The following HS3ST3B1 variants were observed in gnomAD, a reference collection of about 807,000 sequenced individuals.
HS3ST3B1 encodes heparan sulfate glucosamine 3-O-sulfotransferase 3B1.
In HS3ST3B1, 13 loss-of-function variants were observed where a neutral mutation model predicts 21.3. The observed-to-expected ratio is 0.61, with a 90% CI of 0.40 to 0.97. The LOEUF is 0.97. Among genes scored for constraint, HS3ST3B1 ranks in the 50% least tolerant of loss-of-function variants. The probability of loss-of-function intolerance (pLI) is 0.00; values close to 1 mark genes in which losing one functional copy is unlikely to be tolerated. For synonymous variants in HS3ST3B1, 234 were observed against 254.8 expected, an observed-to-expected ratio of 0.92 and a Z score of 0.78; for missense variants, 459 against 554.8, an observed-to-expected ratio of 0.83 and a Z score of 1.73.
chr17:14,321,925 CAT>C (rs147408597), intron 1 of HS3ST3B1, among the ~76,000 whole-genome samples: 1 of 150,888 alleles, frequency 6.6e-6, no homozygotes, highest in Non-Finnish European at 1.5e-5. Flanking sequence ...ATTTTTCTCT[CAT>C]ATATATATAT....
At chr17:14,342,700 G>A (rs975702377) in intron 1 of HS3ST3B1, among the ~76,000 whole-genome samples, 11 of 151,964 alleles carry the variant, frequency 7.2e-5, no homozygotes, top group African/African-American at 2.7e-4. Context: ...AGAAAAAGAC[G>A]CCCAGAAAAG....
intron 1 of HS3ST3B1, among the ~76,000 whole-genome samples, chr17:14,313,108 G>GTATATATA (rs1555548199): frequency 1.4e-5 from 1 of 73,694 alleles, no homozygotes; most frequent in African/African-American, 6.4e-5. Flanking sequence ...GTGTGTGTGT[G>GTATATATA]TATATATATA....
chr17:14,340,170 C>A (rs1231683537), intron 1 of HS3ST3B1, among the ~76,000 whole-genome samples: 1 of 152,164 alleles, frequency 6.6e-6, no homozygotes, highest in Non-Finnish European at 1.5e-5. Context: ...GCCTCCTGAA[C>A]CTTCTCCCAG....
chr17:14,334,600 A>G (rs181322821), intron 1 of HS3ST3B1, among the ~76,000 whole-genome samples: 11 of 152,318 alleles, frequency 7.2e-5, no homozygotes, highest in African/African-American at 2.6e-4. Context: ...AAGTGATACA[A>G]TAGATGAGCG....
Position 14,303,202 on chromosome 17 carries a change from C to A in HS3ST3B1, c.554+1130C>A, listed in dbSNP as rs987517387. ...TTTTCGTTGGGGTCTCCACCCGTAA[C>A]CCCAGCCAGCACGACATTCAGACAC... On this transcript the variant is annotated intron_variant, in intron 1 of 1. Coordinates refer to ENST00000360954, the MANE Select transcript of HS3ST3B1 (RefSeq NM_006041.3). This position sits in a 1 kb window ranked among gnomAD's most constrained non-coding sequence, Gnocchi z 5.7. Among the ~76,000 whole-genome samples the A allele has an allele frequency of 6.6e-6, 1 of 152,134 alleles. No individual in the cohort carries two copies. The highest frequency in any genetic ancestry group is 2.4e-5 in the African/African-American group (1 of 41,416).
chr17:14,322,014 G>GT (rs1909674643), intron 1 of HS3ST3B1, among the ~76,000 whole-genome samples: 1 of 148,826 alleles, frequency 6.7e-6, no homozygotes, highest in East Asian at 2.0e-4. Flanking sequence ...ATAAAGTGCT[G>GT]TTTATTTCAT....
chr17:14,308,598 G>A (rs1026687335), intron 1 of HS3ST3B1, among the ~76,000 whole-genome samples: 14 of 152,152 alleles, frequency 9.2e-5, no homozygotes, highest in African/African-American at 3.1e-4. Context: ...AGTACTGTCC[G>A]AGAGGAGTTT....
chr17:14,315,911 C>T (rs375674461), intron 1 of HS3ST3B1, among the ~76,000 whole-genome samples: 2 of 151,856 alleles, frequency 1.3e-5, no homozygotes, highest in African/African-American at 4.8e-5. Flanking sequence ...TAGCTAAAAA[C>T]AAAACAAAAC....
intron 1 of HS3ST3B1, among the ~76,000 whole-genome samples, chr17:14,341,886 G>A (rs1235062260): frequency 1.3e-5 from 2 of 152,178 alleles, no homozygotes; most frequent in Non-Finnish European, 2.9e-5. Context: ...TAAGTTGCGA[G>A]CCGAGACTCT....
intron 1 of HS3ST3B1, among the ~76,000 whole-genome samples, chr17:14,302,855 A>T (rs1270181324): frequency 6.6e-6 from 1 of 152,234 alleles, no homozygotes; most frequent in African/African-American, 2.4e-5. Flanking sequence ...GGATAGGGAA[A>T]GCAAGGACGC....
In HS3ST3B1 at chr17:14,301,796, C is replaced by T; in HGVS notation, c.278C>T (p.Pro93Leu). The change falls in exon 1 of 2, where the codon CCG (proline) becomes CTG (leucine). Residue 93 changes from proline to leucine, a missense_variant. Physicochemically the swap from Pro to Leu is moderately conservative, Grantham distance 98. Coordinates refer to ENST00000360954, the MANE Select transcript of HS3ST3B1 (RefSeq NM_006041.3). ...GTPPRLPFRAPPATPLASGKE... is the reference protein window; with the variant it reads ...GTPPRLPFRALPATPLASGKE... Reference sequence around the variant, plus strand: ...CCCCCCAGGCTGCCGTTCCGGGCGCCGCCAGCCACCCCACTGGCTTCAGGC... The same window carrying T: ...CCCCCCAGGCTGCCGTTCCGGGCGCTGCCAGCCACCCCACTGGCTTCAGGC... The T allele has an allele frequency of 2.6e-6, 4 of 1,556,242 alleles. No individual in the cohort carries two copies. The highest frequency in any genetic ancestry group is 3.5e-6 in the Non-Finnish European group (4 of 1,150,672).
chr17:14,312,901 CTTTTTT>C (rs35154149), intron 1 of HS3ST3B1, among the ~76,000 whole-genome samples: 1 of 129,422 alleles, frequency 7.7e-6, no homozygotes, highest in East Asian at 2.4e-4. Flanking sequence ...GTGAAAATGT[CTTTTTT>C]TTTTTTTTTT....
chr17:14,348,646 C>CACGTGTTTTGGA lies in HS3ST3B1; in HGVS notation c.*3001_*3012dup, dbSNP rs1910642496. 6.6e-6 allele frequency: 1 copy of CACGTGTTTTGGA among 152,152 alleles called. No individual in the cohort carries two copies. The highest frequency in any genetic ancestry group is 1.5e-5 in the Non-Finnish European group (1 of 68,036). The allele number at this position is 152,152 out of a possible 1,614,324, so 9.4% of individuals were successfully genotyped here. On this transcript the variant is annotated 3_prime_UTR_variant, in exon 2 of 2. Transcript: ENST00000360954. The stretch of plus-strand genomic sequence containing the variant: ...TTTCTGTTTCGGCAATTTGTCCTGG[C>CACGTGTTTTGGA]ACGTGTTTTGGACTTCCTCCGATTT...
rs928675514 is a variant in HS3ST3B1 at position 14,301,264 on chromosome 17, A to G, written c.-255A>G. ...GCGCCCCGGGAGCAGACCCTCGCCC[A>G]GCAGTTACCGCCGTCCCGACTTTCC... On this transcript the variant is annotated 5_prime_UTR_variant, in exon 1 of 2. Transcript: ENST00000360954. 1.1e-4 allele frequency: 56 copies of G among 488,884 alleles called. No homozygotes were observed. Among genetic ancestry groups the G allele is most frequent in the Non-Finnish European group, 1.8e-4 (50 of 280,566 alleles). The allele number at this position is 488,884 out of a possible 1,614,324, so 30.3% of individuals were successfully genotyped here.
chr17:14,330,150 G>A (rs559405273), intron 1 of HS3ST3B1, among the ~76,000 whole-genome samples: 1 of 152,202 alleles, frequency 6.6e-6, no homozygotes, highest in Non-Finnish European at 1.5e-5. Context: ...ATTTGACATT[G>A]AGCATCATCT....
At chr17:14,334,595 A>G (rs1225519437) in intron 1 of HS3ST3B1, among the ~76,000 whole-genome samples, 2 of 152,164 alleles carry the variant, frequency 1.3e-5, no homozygotes, top group Non-Finnish European at 2.9e-5. Context: ...TACCAAAGTG[A>G]TACAATAGAT....
Position 14,349,262 on chromosome 17 carries a change from A to G in HS3ST3B1, c.*3616A>G, listed in dbSNP as rs1390722965. 6.6e-6 allele frequency: 1 copy of G among 152,230 alleles called. No homozygotes were observed. The highest frequency in any genetic ancestry group is 1.5e-5 in the Non-Finnish European group (1 of 68,040). 9.4% of individuals were successfully genotyped at this position (152,230 alleles called of 1,614,324 possible). ...GATAACTTGGATGTTAGGATAGCCA[A>G]TATGTACAAAAAATTAAATCAAGTA... On this transcript the variant is annotated 3_prime_UTR_variant, in exon 2 of 2. Transcript: ENST00000360954.
chr17:14,348,376 T>C lies in HS3ST3B1; in HGVS notation c.*2730T>C, dbSNP rs1202954549. Reference sequence around the variant, plus strand: ...ATCAGTACTGATGGAATAGAGCAAGTTTTTCTATGTAAGACAAATAAATCA... The same window carrying C: ...ATCAGTACTGATGGAATAGAGCAAGCTTTTCTATGTAAGACAAATAAATCA... On this transcript the variant is annotated 3_prime_UTR_variant, in exon 2 of 2. Transcript: ENST00000360954. The C allele has an allele frequency of 6.6e-6, 1 of 152,154 alleles. No individual in the cohort carries two copies. Among genetic ancestry groups the C allele is most frequent in the Non-Finnish European group, 1.5e-5 (1 of 68,032 alleles). 9.4% of individuals were successfully genotyped at this position (152,154 alleles called of 1,614,324 possible).
At chr17:14,330,699 C>A (rs1909983865) in intron 1 of HS3ST3B1, among the ~76,000 whole-genome samples, 1 of 151,892 alleles carries the variant, frequency 6.6e-6, no homozygotes, top group African/African-American at 2.4e-5. Flanking sequence ...ACTGTGCTAC[C>A]AAGGGTACAA....
Sources: gnomAD v4.1 joint callset for allele counts (sites outside exome capture counted in the v4.1 genomes callset) on GRCh38, gnomAD v4.1.1 for gene constraint, Gnocchi (gnomAD v3.1) non-coding constraint, MANE v1.5 for transcripts, NCBI Gene and HGNC (gene_info 2026-07-23, HGNC 2026-07-21) for gene names.